TP53I11: variants seen among roughly 807,000 people sequenced by gnomAD.
The protein encoded by TP53I11 is tumor protein p53 inducible protein 11.
In TP53I11, 9 loss-of-function variants were observed where a neutral mutation model predicts 23.3. The observed-to-expected ratio is 0.39, with a 90% CI of 0.23 to 0.67. TP53I11 has a LOEUF of 0.67. Among genes scored for constraint, TP53I11 ranks in the 30% least tolerant of loss-of-function variants. TP53I11 has a pLI of 0.48. For missense variants in TP53I11, 170 were observed against 255.2 expected (o/e 0.67, Z 2.27); for synonymous variants, 100 against 106.1 (o/e 0.94, Z 0.35).
chr11:44,938,063 C>T, intron 2 of TP53I11, 144 bp downstream of exon 2: 1 of 1,207,870 alleles, frequency 8.3e-7, no homozygotes, highest in Non-Finnish European at 1.1e-6. Context: ...CGTTATTCCC[C>T]TGGCATTGCT....
In TP53I11 at chr11:44,936,651, C is replaced by CA. The variant is rs1420725301; in HGVS notation, c.334+151dup. 6 of 1,366,168 alleles carry CA rather than the reference C, an allele frequency of 4.4e-6. No homozygotes were observed. The highest frequency in any genetic ancestry group is 5.7e-6 in the Non-Finnish European group (6 of 1,059,220). The allele number at this position is 1,366,168 out of a possible 1,614,324, so 84.6% of individuals were successfully genotyped here. On this transcript the variant is annotated intron_variant, in intron 5 of 6. Coordinates refer to ENST00000525680, the MANE Select transcript of TP53I11 (RefSeq NM_006034.5). The surrounding 1 kb of genome is among the most constrained non-coding windows in gnomAD (Gnocchi z 4.4). ...CCACAAGATGGCAGCACATCCCCAG[C>CA]AGAGAGCTTCATCAGAGGCCGGGGT...
chr11:44,937,532 C>G (rs12792390), intron 3 of TP53I11, 23 bp downstream of exon 3: 470,314 of 1,611,378 alleles, frequency 0.29, 76,065 homozygotes, highest in Non-Finnish European at 0.33. Context: ...TCCCCTCCCC[C>G]AAAAAGTCAG....
Position 44,937,317 on chromosome 11 carries a change from C to A in TP53I11, c.224G>T (p.Gly75Val). The change falls in exon 4 of 7, where the codon GGC becomes GTC. Residue 75 changes from glycine to valine, a missense_variant. Physicochemically the swap from Gly to Val is moderately radical, Grantham distance 109. Transcript: ENST00000525680. ...WQFVSAVLFS[G>V]IAIMALAFPD... ...GTGGGGGCTCACCATGATGGCAATG[C>A]CGGAGAAGAGCACAGCAGAGACGAA... is the stretch of plus-strand genomic sequence containing the variant. The A allele has an allele frequency of 6.7e-7, 1 of 1,502,656 alleles. No homozygotes were observed. Among genetic ancestry groups the A allele is most frequent in the Non-Finnish European group, 8.9e-7 (1 of 1,126,710 alleles). The allele number at this position is 1,502,656 out of a possible 1,614,324, so 93.1% of individuals were successfully genotyped here.
chr11:44,949,363 A>G (rs1862705210), intron 1 of TP53I11, among the ~76,000 whole-genome samples: 1 of 152,000 alleles, frequency 6.6e-6, no homozygotes, highest in African/African-American at 2.4e-5. Flanking sequence ...AGCCCCGGTG[A>G]CTTCTCCCCG....
intron 6 of TP53I11, 84 bp from the exon 7 acceptor site, chr11:44,935,101 T>C: frequency 6.3e-7 from 1 of 1,582,022 alleles, no homozygotes; most frequent in Non-Finnish European, 8.6e-7. Context: ...AGCGCTGGTG[T>C]GGCCGTCTCC....
At chr11:44,942,749 T>C (rs1862013093) in intron 1 of TP53I11, among the ~76,000 whole-genome samples, 2 of 152,064 alleles carry the variant, frequency 1.3e-5, no homozygotes, top group African/African-American at 4.8e-5. Flanking sequence ...AATGGAATCT[T>C]GACCTCCAGG....
In TP53I11 at chr11:44,947,938, C is replaced by T. The variant is rs76193304; in HGVS notation, c.-32+2739G>A. 3.6e-3 allele frequency among the ~76,000 whole-genome samples: 546 copies of T among 152,316 alleles called. 6 individuals are homozygous for T. The highest frequency in any genetic ancestry group is 0.012 in the African/African-American group (518 of 41,568). Reference sequence around the variant, plus strand: ...AGACTAGAAGACTCTACTTCCTTGCCTCAGTTGCCCCCTTGACCAAATCTG... The same window carrying T: ...AGACTAGAAGACTCTACTTCCTTGCTTCAGTTGCCCCCTTGACCAAATCTG... On this transcript the variant is annotated intron_variant, in intron 1 of 6. Transcript: ENST00000525680.
At chr11:44,942,818 C>A (rs1221615235) in intron 1 of TP53I11, among the ~76,000 whole-genome samples, 1 of 152,134 alleles carries the variant, frequency 6.6e-6, no homozygotes, top group African/African-American at 2.4e-5. Flanking sequence ...CGGCGCTCCA[C>A]CCCTACTTCA....
intron 1 of TP53I11, among the ~76,000 whole-genome samples, chr11:44,938,632 G>A (rs1004122148): frequency 6.6e-6 from 1 of 152,224 alleles, no homozygotes. Context: ...CTTAGAGCCA[G>A]CCCTGGAGGC....
At chr11:44,945,629 G>A (rs977319899) in intron 1 of TP53I11, among the ~76,000 whole-genome samples, 3 of 152,062 alleles carry the variant, frequency 2.0e-5, no homozygotes, top group Non-Finnish European at 4.4e-5. Context: ...AAGGCCCTGC[G>A]ACTCCAGCAG....
At chr11:44,942,015 C>CCT (rs1861813852) in intron 1 of TP53I11, among the ~76,000 whole-genome samples, 2 of 4,972 alleles carry the variant, frequency 4.0e-4, no homozygotes, top group South Asian at 0.011. Context: ...CATACTCACG[C>CCT]CACACACACA....
rs183475578 is a variant in TP53I11 at position 44,948,797 on chromosome 11, C to T, written c.-32+1880G>A. Among the ~76,000 whole-genome samples the T allele has an allele frequency of 3.0e-4, 45 of 152,352 alleles. No individual in the cohort carries two copies. In the East Asian group the frequency reaches 7.7e-3, roughly 26 times the overall value. On this transcript the variant is annotated intron_variant, in intron 1 of 6. Coordinates refer to ENST00000525680, the MANE Select transcript of TP53I11 (RefSeq NM_006034.5). Reference sequence around the variant, plus strand: ...CATTCCTGTTAAATCCAGCCCCCTCCTCCCCCATACCCCAAGAGGGGCAGG... The same window carrying T: ...CATTCCTGTTAAATCCAGCCCCCTCTTCCCCCATACCCCAAGAGGGGCAGG...
chr11:44,948,977 T>C (rs1862653204), intron 1 of TP53I11, among the ~76,000 whole-genome samples: 1 of 152,150 alleles, frequency 6.6e-6, no homozygotes, highest in Non-Finnish European at 1.5e-5. Context: ...GTGAAGGGGC[T>C]TTCGGCCTTA....
In TP53I11 at chr11:44,935,005, G is replaced by C. The variant is rs762010357; in HGVS notation, c.449C>G (p.Thr150Arg). The change falls in exon 7 of 7, where the codon ACG (threonine) becomes AGG (arginine). Residue 150 changes from threonine (T) to arginine (R), a missense_variant. Coordinates refer to ENST00000525680, the MANE Select transcript of TP53I11 (RefSeq NM_006034.5). ...FGVQFLVVTATLAETGLMSLG... is the reference protein window; with the variant it reads ...FGVQFLVVTARLAETGLMSLG... ...GGACATGAGGCCCGTCTCAGCTAGC[G>C]TGGCAGTGACCACTGTGGGAGAGAG... The C allele has an allele frequency of 4.3e-6, 7 of 1,613,656 alleles. No homozygotes were observed. The highest frequency in any genetic ancestry group is 1.6e-4 in the Middle Eastern group (1 of 6,082).
chr11:44,943,664 A>G (rs1862114029), intron 1 of TP53I11, among the ~76,000 whole-genome samples: 1 of 152,136 alleles, frequency 6.6e-6, no homozygotes, highest in African/African-American at 2.4e-5. Flanking sequence ...GGGCCCTCCC[A>G]GGGCACTGGG....
chr11:44,942,218 C>CCACCACACACACACACA (rs1861901623), intron 1 of TP53I11, among the ~76,000 whole-genome samples: 1 of 144,408 alleles, frequency 6.9e-6, no homozygotes. Flanking sequence ...GCACACACAC[C>CCACCACACACACACACA]CACCACACAC....
chr11:44,937,093 G>A (rs933140241), intron 4 of TP53I11, 194 bp from the exon 5 acceptor site: 2 of 760,142 alleles, frequency 2.6e-6, no homozygotes, highest in African/African-American at 3.6e-5. Flanking sequence ...CTGGGAGAAG[G>A]AGTCAGGCCA....
At chr11:44,942,023 A>ACATC (rs1554949059) in intron 1 of TP53I11, among the ~76,000 whole-genome samples, 2 of 119,502 alleles carry the variant, frequency 1.7e-5, no homozygotes, top group Admixed American at 8.4e-5. Flanking sequence ...CGCCACACAC[A>ACATC]CACCACACAC....
chr11:44,936,043 T>C lies in TP53I11; in HGVS notation c.335-381A>G, dbSNP rs751672560. On this transcript the variant is annotated intron_variant, in intron 5 of 6. Coordinates refer to ENST00000525680, the MANE Select transcript of TP53I11 (RefSeq NM_006034.5). This position sits in a 1 kb window ranked among gnomAD's most constrained non-coding sequence, Gnocchi z 4.4. ...TGAGTTAATGGGTTACCTGGTCCTA[T>C]GATTGGGTTTTCTTTTACACGGACT... 32 of 265,248 alleles carry C rather than the reference T, an allele frequency of 1.2e-4. No homozygotes were observed. The highest frequency in any genetic ancestry group is 2.1e-4 in the Non-Finnish European group (31 of 148,532). The allele number at this position is 265,248 out of a possible 1,614,324, so 16.4% of individuals were successfully genotyped here.
Sources: allele counts gnomAD v4.1 joint callset (sites outside exome capture counted in the v4.1 genomes callset), GRCh38; gene constraint gnomAD v4.1.1; non-coding constraint Gnocchi (gnomAD v3.1); transcripts MANE v1.5; gene names NCBI Gene and HGNC (gene_info 2026-07-23, HGNC 2026-07-21).